The following CDKAL1 variants were observed in gnomAD, a reference collection of about 807,000 sequenced individuals.
CDKAL1 encodes the protein threonylcarbamoyladenosine tRNA methylthiotransferase.
CDKAL1 carries 32 observed loss-of-function variants against 68.2 expected under a neutral mutation model. That is an observed-to-expected ratio of 0.47 (90% CI 0.35 to 0.63). The LOEUF (loss-of-function observed/expected upper bound fraction) is 0.63, where lower values mean the gene tolerates loss of function less well. Among genes scored for constraint, CDKAL1 ranks in the 30% least tolerant of loss-of-function variants. CDKAL1 has a pLI of 0.00. For synonymous variants in CDKAL1, 234 were observed against 244.3 expected (o/e 0.96, Z 0.39); for missense variants, 606 against 696.7 (o/e 0.87, Z 1.47).
intron 5 of CDKAL1, among the ~76,000 whole-genome samples, chr6:20,730,323 A>G (rs1772852067): frequency 6.6e-6 from 1 of 151,370 alleles, no homozygotes; most frequent in African/African-American, 2.4e-5. Flanking sequence ...AAAGAAAAGA[A>G]AAGAAAGAAA....
intron 9 of CDKAL1, among the ~76,000 whole-genome samples, chr6:20,856,347 A>T (rs2150513994): frequency 6.6e-6 from 1 of 152,342 alleles, no homozygotes; most frequent in East Asian, 1.9e-4. Flanking sequence ...GGAACCCATA[A>T]TGAAAAAGTA....
intron 8 of CDKAL1, among the ~76,000 whole-genome samples, chr6:20,831,461 A>G (rs1265015387): frequency 3.3e-5 from 5 of 152,142 alleles, no homozygotes; most frequent in African/African-American, 4.8e-5. Flanking sequence ...GACCAGTGCC[A>G]GCTGCAGGCC....
intron 4 of CDKAL1, among the ~76,000 whole-genome samples, chr6:20,637,947 G>T (rs761552265): frequency 2.3e-4 from 35 of 151,996 alleles, no homozygotes; most frequent in Non-Finnish European, 2.6e-4. Context: ...GAACTTAGAG[G>T]TTATTCATTT....
chr6:20,579,508 C>T lies in CDKAL1; in HGVS notation c.286+30803C>T, dbSNP rs895199072. Reference sequence around the variant, plus strand: ...TGTAATACCTGTTATGGTGCCAGTTCATTGTCCTAATTGCTTTATGTATAT... The same window carrying T: ...TGTAATACCTGTTATGGTGCCAGTTTATTGTCCTAATTGCTTTATGTATAT... On this transcript the variant is annotated intron_variant, in intron 4 of 15. Transcript: ENST00000274695. Among the ~76,000 whole-genome samples, 8 of 152,176 alleles carry T rather than the reference C, an allele frequency of 5.3e-5. 1 individual carries two copies. The highest frequency in any genetic ancestry group is 1.9e-4 in the African/African-American group (8 of 41,424).
chr6:21,041,993 G>A (rs1769959203), intron 11 of CDKAL1, among the ~76,000 whole-genome samples: 1 of 151,888 alleles, frequency 6.6e-6, no homozygotes, highest in South Asian at 2.1e-4. Context: ...AGGATATTTG[G>A]TATGCATTTT....
intron 7 of CDKAL1, among the ~76,000 whole-genome samples, chr6:20,767,096 C>T (rs1774735559): frequency 6.6e-6 from 1 of 152,044 alleles, no homozygotes; most frequent in African/African-American, 2.4e-5. Context: ...TGCTTTTATA[C>T]ACTGCATATG....
intron 5 of CDKAL1, among the ~76,000 whole-genome samples, chr6:20,658,966 C>T (rs1769157954): frequency 6.6e-6 from 1 of 152,002 alleles, no homozygotes; most frequent in Admixed American, 6.6e-5. Context: ...AGGCATACAC[C>T]ACCACACCCA....
At chr6:20,785,532 C>T (rs1182089185) in intron 8 of CDKAL1, among the ~76,000 whole-genome samples, 2 of 151,926 alleles carry the variant, frequency 1.3e-5, no homozygotes, top group Admixed American at 1.3e-4. Flanking sequence ...AGGCTGGTCT[C>T]GAACTCCTGA....
chr6:20,802,259 C>A (rs904625043), intron 8 of CDKAL1, among the ~76,000 whole-genome samples: 2 of 151,540 alleles, frequency 1.3e-5, no homozygotes, highest in African/African-American at 4.8e-5. Flanking sequence ...GATTGCGCCG[C>A]TGCACTCCAG....
At chr6:20,702,417 C>T (rs926918189) in intron 5 of CDKAL1, among the ~76,000 whole-genome samples, 1 of 152,168 alleles carries the variant, frequency 6.6e-6, no homozygotes, top group Non-Finnish European at 1.5e-5. Context: ...CGGATTCTTG[C>T]CTTGGTGTAC....
intron 7 of CDKAL1, among the ~76,000 whole-genome samples, chr6:20,777,640 T>C (rs1017279016): frequency 1.3e-5 from 2 of 152,002 alleles, no homozygotes; most frequent in African/African-American, 4.8e-5. Context: ...GAAAAAAACA[T>C]ACAATTACGT....
At chr6:20,791,280 A>G (rs11752772) in intron 8 of CDKAL1, among the ~76,000 whole-genome samples, 61,075 of 152,188 alleles carry the variant, frequency 0.4, 12,580 homozygotes, top group Non-Finnish European at 0.44. Flanking sequence ...TGCCTGGCAC[A>G]TAGTATCTGT....
chr6:21,137,185 C>T (rs994738321), intron 13 of CDKAL1, among the ~76,000 whole-genome samples: 1 of 152,108 alleles, frequency 6.6e-6, no homozygotes, highest in African/African-American at 2.4e-5. Context: ...AGATTGACAA[C>T]GGAGAAAGAA....
chr6:21,061,832 AAAC>A, intron 11 of CDKAL1, among the ~76,000 whole-genome samples: 1 of 152,210 alleles, frequency 6.6e-6, no homozygotes, highest in Non-Finnish European at 1.5e-5. Context: ...TCTACTTAAA[AAAC>A]ATTTTATAAG....
chr6:20,875,143 CA>C (rs1554133964), intron 9 of CDKAL1, among the ~76,000 whole-genome samples: 1 of 150,946 alleles, frequency 6.6e-6, no homozygotes, highest in Non-Finnish European at 1.5e-5. Flanking sequence ...ACTAAAAATA[CA>C]AAAAATTAGC....
intron 4 of CDKAL1, among the ~76,000 whole-genome samples, chr6:20,639,254 C>T (rs966927093): frequency 1.3e-5 from 2 of 152,128 alleles, no homozygotes; most frequent in African/African-American, 4.8e-5. Flanking sequence ...CTCAGGGGGA[C>T]TATTTTAAGA....
rs369862366 is a variant in CDKAL1 at position 20,815,162 on chromosome 6, C to T, written c.639-30913C>T. Among the ~76,000 whole-genome samples the T allele has an allele frequency of 7.2e-5, 11 of 152,296 alleles. No individual in the cohort carries two copies. The South Asian group carries it at 1.0e-3, about 14-fold the overall frequency. On this transcript the variant is annotated intron_variant, in intron 8 of 15. Coordinates refer to ENST00000274695, the MANE Select transcript of CDKAL1 (RefSeq NM_017774.3). ...TTTGGCCAGAAGCAAAAGTCTTCTG[C>T]CAGTTGCATTTAGCATTTTTGCATT...
intron 13 of CDKAL1, among the ~76,000 whole-genome samples, chr6:21,173,958 G>A (rs1213391135): frequency 6.6e-6 from 1 of 152,078 alleles, no homozygotes; most frequent in Non-Finnish European, 1.5e-5. Context: ...TGTAGTTCCA[G>A]CTACGGAAGG....
At chr6:20,927,935 A>T (rs1418423499) in intron 9 of CDKAL1, among the ~76,000 whole-genome samples, 1 of 152,164 alleles carries the variant, frequency 6.6e-6, no homozygotes, top group African/African-American at 2.4e-5. Flanking sequence ...CTTCATTATC[A>T]TTTGATAATT....
Sources: allele counts gnomAD v4.1 joint callset (sites outside exome capture counted in the v4.1 genomes callset), GRCh38; gene constraint gnomAD v4.1.1; transcripts MANE v1.5; gene names NCBI Gene and HGNC (gene_info 2026-07-23, HGNC 2026-07-21).